Variants in SPATC1 observed in about 807,000 individuals in gnomAD.
SPATC1 encodes the protein speriolin.
In SPATC1, 35 loss-of-function variants were observed where a neutral mutation model predicts 36.5. That is an observed-to-expected ratio of 0.96 (90% CI 0.73 to 1.27). The LOEUF is 1.27. SPATC1 is among the 50% of genes most tolerant of loss of function. The pLI is 0.00. For missense variants in SPATC1, 779 were observed against 796.0 expected, an observed-to-expected ratio of 0.98 and a Z score of 0.26; for synonymous variants, 361 against 353.6, an observed-to-expected ratio of 1.02 and a Z score of -0.24.
chr8:144,044,873 C>T (rs1055730262), intron 4 of SPATC1, among the ~76,000 whole-genome samples: 3 of 152,134 alleles, frequency 2.0e-5, no homozygotes, highest in African/African-American at 7.2e-5. Flanking sequence ...TGCTTGAACC[C>T]GGGAGGCGGA....
In SPATC1 at chr8:144,041,028, A is replaced by G; in HGVS notation, c.1227A>G (p.Glu409=). The change falls in exon 3 of 5, where the codon GAA becomes GAG. Residue 409 remains glutamate (E), a synonymous_variant. Transcript: ENST00000377470. ...VNDSRGPRTT[E]PSTKSMMEVE... ...ACTCTCGAGGTCCACGCACCACAGA[A>G]CCGTCGACGAAGAGCATGATGGAGG... 1 of 1,611,416 alleles carries G rather than the reference A, an allele frequency of 6.2e-7. No homozygotes were observed. The highest frequency in any genetic ancestry group is 1.1e-5 in the South Asian group (1 of 90,838).
chr8:144,035,616 G>A (rs1246734628), intron 1 of SPATC1, among the ~76,000 whole-genome samples: 5 of 152,232 alleles, frequency 3.3e-5, no homozygotes, highest in Admixed American at 1.3e-4. Context: ...AAAACAGACC[G>A]GGCCATTTCC....
chr8:144,044,662 C>T (rs1554756537), intron 4 of SPATC1, among the ~76,000 whole-genome samples: 1 of 151,392 alleles, frequency 6.6e-6, no homozygotes, highest in Non-Finnish European at 1.5e-5. Flanking sequence ...ACTGACACAC[C>T]TCAGCCAGGC....
intron 4 of SPATC1, chr8:144,042,087 C>T: frequency 1.2e-6 from 1 of 844,750 alleles, no homozygotes; most frequent in Non-Finnish European, 1.4e-6. Flanking sequence ...AAAAAGAGTA[C>T]ACAACAGTGT....
At chr8:144,044,980 A>G (rs1280973292) in intron 4 of SPATC1, among the ~76,000 whole-genome samples, 1 of 152,210 alleles carries the variant, frequency 6.6e-6, no homozygotes, top group Non-Finnish European at 1.5e-5. Flanking sequence ...AACTCGCTGC[A>G]TTGAGATGTG....
intron 1 of SPATC1, among the ~76,000 whole-genome samples, chr8:144,025,288 C>A (rs1414807369): frequency 6.6e-6 from 1 of 152,210 alleles, no homozygotes; most frequent in Non-Finnish European, 1.5e-5. Flanking sequence ...TTTAAGTGAT[C>A]CTCCCATCTT....
At chr8:144,013,199 C>T (rs1306856316) in intron 1 of SPATC1, among the ~76,000 whole-genome samples, 2 of 152,126 alleles carry the variant, frequency 1.3e-5, no homozygotes, top group Non-Finnish European at 2.9e-5. Flanking sequence ...CATCTGAGAT[C>T]GATAGCCCTC....
chr8:144,042,068 C>A, intron 4 of SPATC1: 1 of 936,102 alleles, frequency 1.1e-6, no homozygotes, highest in Non-Finnish European at 1.3e-6. Flanking sequence ...AAGACTCCAC[C>A]TGAAAAAGAA....
chr8:144,035,755 G>A (rs1834885941), intron 1 of SPATC1, among the ~76,000 whole-genome samples: 1 of 152,216 alleles, frequency 6.6e-6, no homozygotes, highest in Non-Finnish European at 1.5e-5. Context: ...CTTCTCACCT[G>A]ACCTGGCTGC....
At chr8:144,032,073 C>G (rs1834809122) in intron 1 of SPATC1, among the ~76,000 whole-genome samples, 1 of 151,788 alleles carries the variant, frequency 6.6e-6, no homozygotes, top group Admixed American at 6.6e-5. Flanking sequence ...GTCTCTCTTT[C>G]TCCTTCCAGG....
chr8:144,011,034 G>C (rs1834277641), upstream of SPATC1, among the ~76,000 whole-genome samples: 1 of 151,648 alleles, frequency 6.6e-6, no homozygotes, highest in Non-Finnish European at 1.5e-5. The surrounding 1 kb of genome is among the most constrained non-coding windows in gnomAD (Gnocchi z 4.5). Flanking sequence ...ACGTCTATTA[G>C]ACGTCTAATA....
At chr8:144,017,028 G>A (rs1554753327) in intron 1 of SPATC1, among the ~76,000 whole-genome samples, 1 of 152,228 alleles carries the variant, frequency 6.6e-6, no homozygotes, top group Non-Finnish European at 1.5e-5. Flanking sequence ...TGGAGGGAGA[G>A]TAGACTGAGA....
chr8:144,037,216 G>C (rs1834924033), intron 1 of SPATC1, among the ~76,000 whole-genome samples: 1 of 141,202 alleles, frequency 7.1e-6, no homozygotes, highest in African/African-American at 2.7e-5. Flanking sequence ...CCCCCGCCCA[G>C]CCGGCCGCCC....
chr8:144,012,570 C>A lies in SPATC1; in HGVS notation c.55C>A (p.Arg19=). Residue 19 remains arginine (R), a synonymous_variant, in exon 1 of 5, where the codon CGG becomes AGG. Coordinates refer to ENST00000377470, the MANE Select transcript of SPATC1 (RefSeq NM_198572.3). ...GLRHQIERLV[R]ENEELKKLVR... is the part of the protein sequence containing the mutation. ...TCGGCATCAGATAGAGAGGCTGGTG[C>A]GGGAAAATGAGGAACTGAAGAAGTT... 2 of 1,551,546 alleles carry A rather than the reference C, an allele frequency of 1.3e-6. No individual in the cohort carries two copies. The highest frequency in any genetic ancestry group is 1.7e-6 in the Non-Finnish European group (2 of 1,146,986).
rs74445814 is a variant in SPATC1 at position 144,040,026 on chromosome 8, C to T, written c.329C>T (p.Pro110Leu). The change falls in exon 2 of 5, where the codon CCG (proline) becomes CTG (leucine). Residue 110 changes from proline (P) to leucine (L), a missense_variant. Coordinates refer to ENST00000377470, the MANE Select transcript of SPATC1 (RefSeq NM_198572.3). ...ACCAGCTTGCAGCCCAGCGCCACAC[C>T]GGGCTCACTCATGAGCCCCCTGACA... The part of the protein sequence containing the change: ...MLTSLQPSAT[P>L]GSLMSPLTGT... 1,284 of 1,613,794 alleles carry T rather than the reference C, an allele frequency of 8.0e-4. 12 individuals are homozygous for T. In the African/African-American group the frequency reaches 0.015, roughly 18 times the overall value.
rs782689543 is a variant in SPATC1 at position 144,040,638 on chromosome 8, AC to A, written c.841del (p.Leu281SerfsTer135). ...CTCTCAGCATGGCGTTTGCAGGAGC[AC>A]CCCTCCAGACCTCCACCCCTATCGG... ...EPLSMAFAGA[P>X]LQTSTPIGAM... On this transcript the variant is annotated frameshift_variant, in exon 3 of 5. Transcript: ENST00000377470. LOFTEE classifies it high-confidence loss of function. 49 of 1,611,180 alleles carry A rather than the reference AC, an allele frequency of 3.0e-5. No individual in the cohort carries two copies. The highest frequency in any genetic ancestry group is 4.1e-5 in the Non-Finnish European group (48 of 1,179,212).
chr8:144,020,288 A>G (rs1834481988), intron 1 of SPATC1, among the ~76,000 whole-genome samples: 4 of 149,426 alleles, frequency 2.7e-5, no homozygotes, highest in Admixed American at 2.7e-4. Flanking sequence ...TCGCCTCAGG[A>G]CCCTCTTCCC....
intron 1 of SPATC1, among the ~76,000 whole-genome samples, chr8:144,021,699 ACC>A (rs1834540525): frequency 1.2e-5 from 1 of 84,480 alleles, no homozygotes; most frequent in Non-Finnish European, 2.5e-5. Context: ...TTCCCTGAAA[ACC>A]CTTCCCCCTC....
rs2129691533 is a variant in SPATC1, at chr8:144,045,849, TCACACATCCAGGGGG to T, written c.1447-775_1447-761del. On this transcript the variant is annotated intron_variant, in intron 4 of 4. Transcript: ENST00000377470. The surrounding 1 kb of genome is among the most constrained non-coding windows in gnomAD (Gnocchi z 5.2). ...ACTGGGCTTCCCACAACTGCCCAGG[TCACACATCCAGGGGG>T]CAGCGGCAGGCTGAGTGGGAGGGGC... Among the ~76,000 whole-genome samples, 1 of 152,332 alleles carries T rather than the reference TCACACATCCAGGGGG, an allele frequency of 6.6e-6. No individual in the cohort carries two copies. The highest frequency in any genetic ancestry group is 2.1e-4 in the South Asian group (1 of 4,824).
Sources: gnomAD v4.1 joint callset for allele counts (sites outside exome capture counted in the v4.1 genomes callset) on GRCh38, gnomAD v4.1.1 for gene constraint, Gnocchi (gnomAD v3.1) non-coding constraint, MANE v1.5 for transcripts, NCBI Gene and HGNC (gene_info 2026-07-23, HGNC 2026-07-21) for gene names.